Variants in MTMR3 observed in about 807,000 individuals in gnomAD.
The protein encoded by MTMR3 is myotubularin related protein 3, also known as phosphatidylinositol-3,5-bisphosphate 3-phosphatase MTMR3.
MTMR3 carries 32 observed loss-of-function variants against 132.4 expected under a neutral mutation model. That is an observed-to-expected ratio of 0.24 (90% CI 0.18 to 0.32). The LOEUF (loss-of-function observed/expected upper bound fraction) is 0.32, where lower values mean the gene tolerates loss of function less well. MTMR3 is among the 10% of genes least tolerant of loss of function. The pLI is 1.00. For missense variants in MTMR3, 1,216 were observed against 1,489.6 expected (o/e 0.82, Z 3.02); for synonymous variants, 556 against 550.3 (o/e 1.01, Z -0.14).
intron 1 of MTMR3, among the ~76,000 whole-genome samples, 174 bp from the exon 2 acceptor site, chr22:29,956,862 T>A (rs2059034295): frequency 6.6e-6 from 1 of 152,174 alleles, no homozygotes; most frequent in Non-Finnish European, 1.5e-5. Context: ...TTCTGTGCAG[T>A]TATAAACATT....
At chr22:29,931,346 A>G (rs914808915) in intron 1 of MTMR3, among the ~76,000 whole-genome samples, 6 of 152,200 alleles carry the variant, frequency 3.9e-5, no homozygotes, top group Non-Finnish European at 5.9e-5. Flanking sequence ...GTACATACAT[A>G]TATTGCTTTG....
chr22:29,898,967 T>A (rs940643904), intron 1 of MTMR3, among the ~76,000 whole-genome samples: 5 of 151,916 alleles, frequency 3.3e-5, no homozygotes, highest in African/African-American at 2.4e-5. Context: ...TCAGATCTAC[T>A]TTATAAGTGA....
intron 9 of MTMR3, chr22:30,006,089 AT>A (rs1351225972): frequency 1.3e-5 from 2 of 152,268 alleles, no homozygotes; most frequent in Non-Finnish European, 1.5e-5. Context: ...TTTGAGGTTC[AT>A]CAGTGTCCTA....
At chr22:29,934,017 A>G (rs1451240509) in intron 1 of MTMR3, among the ~76,000 whole-genome samples, 1 of 152,196 alleles carries the variant, frequency 6.6e-6, no homozygotes. Context: ...AAACATGTTT[A>G]TATTATGTAT....
chr22:29,931,941 G>GC (rs765588574), intron 1 of MTMR3, among the ~76,000 whole-genome samples: 253 of 152,074 alleles, frequency 1.7e-3, no homozygotes, highest in Middle Eastern at 6.8e-3. Flanking sequence ...ATTCTTCTTT[G>GC]CACATGTGCA....
intron 3 of MTMR3, among the ~76,000 whole-genome samples, chr22:29,977,709 C>G (rs574124395): frequency 6.6e-6 from 1 of 152,166 alleles, no homozygotes; most frequent in Non-Finnish European, 1.5e-5. Context: ...ACTTATGTCC[C>G]GCTTCTTCCT....
intron 1 of MTMR3, among the ~76,000 whole-genome samples, chr22:29,907,326 C>A (rs183213478): frequency 1.6e-4 from 24 of 151,826 alleles, no homozygotes; most frequent in African/African-American, 5.1e-4. Flanking sequence ...GGTGTGAACC[C>A]GGGAGGCAGA....
At chr22:29,901,983 T>C (rs1190775117) in intron 1 of MTMR3, among the ~76,000 whole-genome samples, 1 of 152,216 alleles carries the variant, frequency 6.6e-6, no homozygotes, top group Non-Finnish European at 1.5e-5. Context: ...CAGTTTTTGG[T>C]AATTACAAAT....
chr22:29,967,168 A>G (rs1437055362), intron 2 of MTMR3, among the ~76,000 whole-genome samples: 1 of 141,674 alleles, frequency 7.1e-6, no homozygotes, highest in Non-Finnish European at 1.5e-5. Flanking sequence ...GAAGAGTTTG[A>G]TTATATTGTT....
chr22:29,967,757 C>T (rs1426430399), intron 2 of MTMR3, among the ~76,000 whole-genome samples: 4 of 152,134 alleles, frequency 2.6e-5, no homozygotes, highest in Non-Finnish European at 5.9e-5. Flanking sequence ...CTTTCTGTCT[C>T]TGTGGATTTA....
intron 1 of MTMR3, among the ~76,000 whole-genome samples, chr22:29,912,733 T>C (rs1228228811): frequency 6.6e-6 from 1 of 152,200 alleles, no homozygotes; most frequent in Non-Finnish European, 1.5e-5. Flanking sequence ...AGGATCAATG[T>C]GTAGGAGCTG....
chr22:29,920,203 G>C (rs2145767193), intron 1 of MTMR3, among the ~76,000 whole-genome samples: 1 of 145,186 alleles, frequency 6.9e-6, no homozygotes, highest in Admixed American at 7.1e-5. Flanking sequence ...GACAGAGCAA[G>C]ACTCTGTCTC....
intron 7 of MTMR3, chr22:29,997,107 C>T (rs1215006384): frequency 1.3e-5 from 2 of 152,196 alleles, no homozygotes; most frequent in Non-Finnish European, 2.9e-5. Context: ...TAGTTTTTTC[C>T]TGTTTGGAAG....
intron 15 of MTMR3, 164 bp from the exon 16 acceptor site, chr22:30,017,763 G>T: frequency 1.3e-6 from 1 of 747,390 alleles, no homozygotes; most frequent in Non-Finnish European, 2.2e-6. Flanking sequence ...GTCCTGTATT[G>T]GTCCTCTTGG....
At chr22:29,972,676 T>A (rs1199205259) in intron 3 of MTMR3, among the ~76,000 whole-genome samples, 1 of 152,184 alleles carries the variant, frequency 6.6e-6, no homozygotes, top group Non-Finnish European at 1.5e-5. Flanking sequence ...GTTCAAGCGA[T>A]TCTTGTGCCT....
intron 8 of MTMR3, chr22:30,000,872 G>T (rs2067158066): frequency 6.6e-6 from 1 of 152,178 alleles, no homozygotes; most frequent in Non-Finnish European, 1.5e-5. Context: ...GCATACTGAA[G>T]AGCTGACTAC....
intron 1 of MTMR3, among the ~76,000 whole-genome samples, chr22:29,931,351 G>C (rs1215721553): frequency 2.6e-5 from 4 of 152,094 alleles, no homozygotes; most frequent in Non-Finnish European, 5.9e-5. Context: ...TACATATATT[G>C]CTTTGAACAA....
chr22:29,890,701 T>C (rs2064779721), intron 1 of MTMR3, among the ~76,000 whole-genome samples: 1 of 152,204 alleles, frequency 6.6e-6, no homozygotes, highest in South Asian at 2.1e-4. Context: ...TTTAAAGTAG[T>C]TTGAAACAGT....
chr22:30,022,931 G>A (rs752119598), intron 19 of MTMR3: 10 of 519,504 alleles, frequency 1.9e-5, no homozygotes, highest in African/African-American at 5.8e-5. Flanking sequence ...GCATTTTGTT[G>A]TTTCCCAGAT....
Sources: gnomAD v4.1 joint callset for allele counts (sites outside exome capture counted in the v4.1 genomes callset) on GRCh38, gnomAD v4.1.1 for gene constraint, MANE v1.5 for transcripts, NCBI Gene and HGNC (gene_info 2026-07-23, HGNC 2026-07-21) for gene names.